The following COL25A1 variants were observed in gnomAD, a reference collection of about 807,000 sequenced individuals.
COL25A1 encodes the protein collagen alpha-1(XXV) chain.
COL25A1 carries 103 observed loss-of-function variants against 128.4 expected under a neutral mutation model. The ratio of observed to expected loss-of-function variants is 0.80; its 90% CI spans 0.68 to 0.94. The LOEUF (loss-of-function observed/expected upper bound fraction) is 0.94, where lower values mean the gene tolerates loss of function less well. Among genes scored for constraint, COL25A1 ranks in the 40% least tolerant of loss-of-function variants. The pLI is 0.00. For synonymous variants in COL25A1, 279 were observed against 277.2 expected, an observed-to-expected ratio of 1.01 and a Z score of -0.06; for missense variants, 745 against 840.0, an observed-to-expected ratio of 0.89 and a Z score of 1.40.
At chr4:109,115,597 C>G (rs2126045237) in intron 3 of COL25A1, among the ~76,000 whole-genome samples, 1 of 152,138 alleles carries the variant, frequency 6.6e-6, no homozygotes, top group African/African-American at 2.4e-5. Flanking sequence ...ATTCCTTGGG[C>G]AAAGATGATT....
At chr4:109,161,019 T>C (rs1440215099) in intron 3 of COL25A1, among the ~76,000 whole-genome samples, 1 of 152,180 alleles carries the variant, frequency 6.6e-6, no homozygotes, top group Non-Finnish European at 1.5e-5. Flanking sequence ...TAATTCTCTT[T>C]TGAGACAGGG....
At chr4:108,936,124 T>C (rs1747372981) in intron 11 of COL25A1, among the ~76,000 whole-genome samples, 1 of 152,234 alleles carries the variant, frequency 6.6e-6, no homozygotes, top group African/African-American at 2.4e-5. Flanking sequence ...CCCAGAATTC[T>C]TCATACTCTA....
At chr4:108,956,801 A>T (rs567143633) in intron 8 of COL25A1, among the ~76,000 whole-genome samples, 1 of 152,272 alleles carries the variant, frequency 6.6e-6, no homozygotes, top group South Asian at 2.1e-4. Flanking sequence ...CTATATCTCA[A>T]ATCTCCAGGA....
At chr4:109,174,236 G>A (rs891341705) in intron 3 of COL25A1, among the ~76,000 whole-genome samples, 11 of 152,290 alleles carry the variant, frequency 7.2e-5, no homozygotes, top group African/African-American at 2.6e-4. Flanking sequence ...CAACCGTGGT[G>A]TAAGGCCTAA....
At chr4:109,061,102 A>G (rs1761929563) in intron 3 of COL25A1, among the ~76,000 whole-genome samples, 2 of 152,190 alleles carry the variant, frequency 1.3e-5, no homozygotes, top group African/African-American at 2.4e-5. Context: ...CTATCTAACA[A>G]ATCCAACCCT....
intron 11 of COL25A1, among the ~76,000 whole-genome samples, chr4:108,931,571 A>C (rs1746744164): frequency 6.6e-6 from 1 of 152,140 alleles, no homozygotes; most frequent in African/African-American, 2.4e-5. Flanking sequence ...TTTCTAGGAG[A>C]CAGAACCAGC....
At chr4:108,963,614 A>T (rs1445062423) in intron 8 of COL25A1, among the ~76,000 whole-genome samples, 1 of 152,086 alleles carries the variant, frequency 6.6e-6, no homozygotes, top group African/African-American at 2.4e-5. Context: ...TTATATTTGG[A>T]TTCAAGTAAA....
At chr4:109,222,686 A>G (rs1174759467) in intron 3 of COL25A1, among the ~76,000 whole-genome samples, 1 of 152,212 alleles carries the variant, frequency 6.6e-6, no homozygotes, top group Non-Finnish European at 1.5e-5. Flanking sequence ...AAGAGAGTTT[A>G]AAAAGTCATG....
chr4:108,899,089 G>A (rs1742515954), intron 15 of COL25A1, 65 bp downstream of exon 15: 1 of 1,520,788 alleles, frequency 6.6e-7, no homozygotes, highest in African/African-American at 1.4e-5. Flanking sequence ...TTTAGTTTGA[G>A]TACTTCTTTG....
At position 109,269,178 on chromosome 4, in the gene COL25A1, C is replaced by T. The variant is rs575128372; in HGVS notation, c.367+31405G>A. 4.4e-3 allele frequency among the ~76,000 whole-genome samples: 653 copies of T among 149,858 alleles called. 3 individuals are homozygous for T. Among genetic ancestry groups the T allele is most frequent in the Non-Finnish European group, 6.3e-3 (424 of 67,660 alleles). ...ATTCCCACCTATGAGTGAGAATATG[C>T]GGTGTTTGGTTTTTTGTTCTTGCGA... On this transcript the variant is annotated intron_variant, in intron 3 of 37. Transcript: ENST00000399132.
intron 3 of COL25A1, among the ~76,000 whole-genome samples, chr4:109,159,611 C>T (rs930163686): frequency 3.3e-5 from 5 of 151,886 alleles, no homozygotes; most frequent in African/African-American, 1.2e-4. Context: ...GTTCACAATA[C>T]AGAATGAATA....
chr4:109,024,726 A>G (rs1025007703), intron 5 of COL25A1, among the ~76,000 whole-genome samples: 4 of 152,148 alleles, frequency 2.6e-5, no homozygotes, highest in Non-Finnish European at 4.4e-5. Flanking sequence ...ATTTTTTTCC[A>G]TATTAGTCAT....
chr4:109,288,955 T>TTATA lies in COL25A1; in HGVS notation c.367+11624_367+11627dup, dbSNP rs746459430. Among the ~76,000 whole-genome samples, 249 of 124,666 alleles carry TTATA rather than the reference T, an allele frequency of 2.0e-3. 2 individuals carry two copies. Among genetic ancestry groups the TTATA allele is most frequent in the African/African-American group, 6.9e-3 (235 of 34,030 alleles). The allele number at this position is 124,666 out of a possible 152,430, so 81.8% of individuals were successfully genotyped here. On this transcript the variant is annotated intron_variant, in intron 3 of 37. Transcript: ENST00000399132. The stretch of plus-strand genomic sequence containing the variant: ...CATCATTACTACCAGGAATACTAAA[T>TTATA]TATATATACACACACACACACACAC...
chr4:109,197,622 T>C (rs1776230346), intron 3 of COL25A1, among the ~76,000 whole-genome samples: 1 of 149,048 alleles, frequency 6.7e-6, no homozygotes. Flanking sequence ...ATCATATAAA[T>C]TTAAAAGCCT....
intron 32 of COL25A1, among the ~76,000 whole-genome samples, chr4:108,829,446 C>CTGTG (rs148164820): frequency 1.3e-5 from 2 of 150,554 alleles, no homozygotes; most frequent in Admixed American, 1.3e-4. Context: ...ATCTATCTAT[C>CTGTG]TGTGTGTGTG....
intron 17 of COL25A1, 50 bp from the exon 18 acceptor site, chr4:108,889,306 TA>T (rs1741193908): frequency 1.3e-6 from 2 of 1,587,464 alleles, no homozygotes; most frequent in East Asian, 4.5e-5. Flanking sequence ...AAGAATTTTC[TA>T]AAACACTTAG....
intron 8 of COL25A1, among the ~76,000 whole-genome samples, chr4:108,959,786 T>C (rs185300498): frequency 9.9e-5 from 15 of 152,236 alleles, no homozygotes; most frequent in Non-Finnish European, 1.8e-4. Context: ...ACTGGTGACA[T>C]AGCAAGCTTT....
intron 18 of COL25A1, among the ~76,000 whole-genome samples, chr4:108,886,281 T>A (rs1056500660): frequency 6.6e-6 from 1 of 152,138 alleles, no homozygotes; most frequent in African/African-American, 2.4e-5. Flanking sequence ...TAGAAAGACT[T>A]TTTTTTCCTA....
intron 3 of COL25A1, among the ~76,000 whole-genome samples, chr4:109,187,198 TCTAC>T (rs1775219192): frequency 9.8e-6 from 1 of 101,822 alleles, no homozygotes; most frequent in Non-Finnish European, 2.1e-5. Flanking sequence ...TCTCTTGCTC[TCTAC>T]ACACACACAC....
Sources: allele counts gnomAD v4.1 joint callset (sites outside exome capture counted in the v4.1 genomes callset), GRCh38; gene constraint gnomAD v4.1.1; transcripts MANE v1.5; gene names NCBI Gene and HGNC (gene_info 2026-07-23, HGNC 2026-07-21).